Variants in RNF169 observed in about 807,000 individuals in gnomAD.
RNF169 encodes the protein ring finger protein 169, also known as E3 ubiquitin-protein ligase RNF169.
In RNF169, 24 loss-of-function variants were observed where a neutral mutation model predicts 53.9. That is an observed-to-expected ratio of 0.45 (90% CI 0.32 to 0.63). The LOEUF is 0.63. Ranked by LOEUF, RNF169 falls within the 20% of genes least tolerant of loss-of-function variation. The pLI, the probability that RNF169 is intolerant of heterozygous loss-of-function variation, is 0.04. For synonymous variants in RNF169, 396 were observed against 363.5 expected (o/e 1.09, Z -1.02); for missense variants, 883 against 906.2 (o/e 0.97, Z 0.33).
intron 2 of RNF169, among the ~76,000 whole-genome samples, chr11:74,795,377 G>A (rs1275243046): frequency 4.6e-5 from 7 of 151,410 alleles, no homozygotes; most frequent in African/African-American, 1.7e-4. Context: ...ATGCCACCAT[G>A]CCCAGTGTGT....
chr11:74,769,554 C>CT (rs2135323663), intron 1 of RNF169, among the ~76,000 whole-genome samples: 2 of 152,036 alleles, frequency 1.3e-5, no homozygotes, highest in African/African-American at 4.8e-5. Context: ...CACTGTAGTA[C>CT]TAGAAAATGT....
Position 74,835,721 on chromosome 11 carries a change from A to G in RNF169, c.1118A>G (p.Asp373Gly). 6.2e-7 allele frequency: 1 copy of G among 1,614,148 alleles called. No individual in the cohort carries two copies. Among genetic ancestry groups the G allele is most frequent in the South Asian group, 1.1e-5 (1 of 91,080 alleles). Reference protein sequence around the residue: ...PERSVSPESNDSISEELNHFK... With the variant: ...PERSVSPESNGSISEELNHFK... ...CGTTCTGTCAGCCCTGAGAGCAATG[A>G]CAGCATCTCCGAAGAACTAAACCAT... is the stretch of plus-strand genomic sequence containing the variant. The change falls in exon 6 of 6, where the codon GAC (aspartate) becomes GGC (glycine). Residue 373 changes from aspartate (D) to glycine (G), a missense_variant. This residue lies in a region of RNF169 where 219 missense variants were observed against 289.1 expected (regional missense o/e 0.76). Transcript: ENST00000299563.
At position 74,748,956 on chromosome 11, in the gene RNF169, G is replaced by A; in HGVS notation, c.76G>A (p.Gly26Ser). 1 of 1,470,428 alleles carries A rather than the reference G, an allele frequency of 6.8e-7. No individual in the cohort carries two copies. The highest frequency in any genetic ancestry group is 9.1e-7 in the Non-Finnish European group (1 of 1,099,634). The allele number at this position is 1,470,428 out of a possible 1,614,324, so 91.1% of individuals were successfully genotyped here. A position where few individuals can be genotyped will look rare whatever the true frequency, so the allele number is the denominator to read the frequency against. The change falls in exon 1 of 6, where the codon GGC becomes AGC. Residue 26 changes from glycine to serine, a missense_variant. Physicochemically the swap from Gly to Ser is moderately conservative, Grantham distance 56. Transcript: ENST00000299563. ...AAALSRRGRR[G>S]RCDETAAAKT... Reference sequence around the variant, plus strand: ...CGCTCTGAGTCGGCGGGGCCGGCGGGGCCGCTGTGACGAGACGGCGGCAGC... The same window carrying A: ...CGCTCTGAGTCGGCGGGGCCGGCGGAGCCGCTGTGACGAGACGGCGGCAGC...
chr11:74,798,121 G>T (rs1424947394), intron 2 of RNF169, among the ~76,000 whole-genome samples: 1 of 152,142 alleles, frequency 6.6e-6, no homozygotes, highest in African/African-American at 2.4e-5. Context: ...GAGCATGTGT[G>T]TTTAAACAAT....
intron 4 of RNF169, among the ~76,000 whole-genome samples, chr11:74,834,367 A>T (rs1479033233): frequency 6.6e-6 from 1 of 152,240 alleles, no homozygotes; most frequent in East Asian, 1.9e-4. Flanking sequence ...TATCCACCCT[A>T]TTAAGGATAG....
At chr11:74,790,283 C>T (rs1221347878) in intron 2 of RNF169, among the ~76,000 whole-genome samples, 1 of 152,214 alleles carries the variant, frequency 6.6e-6, no homozygotes, top group East Asian at 1.9e-4. Flanking sequence ...AAGTATGTTG[C>T]TAGATAGTGT....
At chr11:74,757,154 C>T (rs1410257539) in intron 1 of RNF169, among the ~76,000 whole-genome samples, 3 of 107,504 alleles carry the variant, frequency 2.8e-5, no homozygotes, top group Admixed American at 9.6e-5. Context: ...CCCCTCCCCC[C>T]ACCCCACCAC....
intron 3 of RNF169, among the ~76,000 whole-genome samples, chr11:74,816,661 G>A (rs964931781): frequency 1.3e-5 from 2 of 152,210 alleles, no homozygotes; most frequent in African/African-American, 4.8e-5. Context: ...AGAGAGCAGA[G>A]ACGGAATTTT....
intron 4 of RNF169, among the ~76,000 whole-genome samples, chr11:74,820,528 A>G (rs920958776): frequency 6.6e-6 from 1 of 152,124 alleles, no homozygotes. Context: ...GGAATAGTCA[A>G]ACAGTGGCTT....
At position 74,837,141 on chromosome 11, in the gene RNF169, A is replaced by T. The variant is rs1160045764; in HGVS notation, c.*411A>T. 1 of 158,426 alleles carries T rather than the reference A, an allele frequency of 6.3e-6. No individual in the cohort carries two copies. The highest frequency in any genetic ancestry group is 2.4e-5 in the African/African-American group (1 of 41,580). The allele number at this position is 158,426 out of a possible 1,614,324, so 9.8% of individuals were successfully genotyped here. A position where few individuals can be genotyped will look rare whatever the true frequency, so the allele number is the denominator to read the frequency against. Reference sequence around the variant, plus strand: ...AATTCCATCTTTTTCAGACAAGTGAACAATTTAGTTCCTTGGCAGATCCAA... The same window carrying T: ...AATTCCATCTTTTTCAGACAAGTGATCAATTTAGTTCCTTGGCAGATCCAA... On this transcript the variant is annotated 3_prime_UTR_variant, in exon 6 of 6. Coordinates refer to ENST00000299563, the MANE Select transcript of RNF169 (RefSeq NM_001098638.2).
intron 1 of RNF169, among the ~76,000 whole-genome samples, chr11:74,776,866 G>A (rs1396636301): frequency 1.3e-5 from 2 of 152,332 alleles, no homozygotes; most frequent in East Asian, 3.9e-4. Context: ...ATAGGGAGAT[G>A]TGTAAGGGCT....
Position 74,748,855 on chromosome 11 carries a change from G to C in RNF169, c.-26G>C. The C allele has an allele frequency of 1.5e-6, 2 of 1,377,868 alleles. No homozygotes were observed. The highest frequency in any genetic ancestry group is 1.8e-5 in the South Asian group (1 of 56,408). The allele number at this position is 1,377,868 out of a possible 1,614,324, so 85.4% of individuals were successfully genotyped here. A position where few individuals can be genotyped will look rare whatever the true frequency, so the allele number is the denominator to read the frequency against. On this transcript the variant is annotated 5_prime_UTR_variant, in exon 1 of 6. Transcript: ENST00000299563. ...CCCTCCACTCTTCTCCCTCGCAACC[G>C]ACTCTCCCTTCAAACGGGAAACAAG...
Position 74,834,698 on chromosome 11 carries a change from A to G in RNF169, c.865A>G (p.Arg289Gly). 6.2e-7 allele frequency: 1 copy of G among 1,612,778 alleles called. No homozygotes were observed. Residue 289 changes from arginine (R) to glycine (G), a missense_variant, in exon 5 of 6, where the codon AGG (arginine) becomes GGG (glycine). Arg to Gly is a moderately radical substitution (Grantham distance 125, BLOSUM62 -2). This residue lies in a region of RNF169 where 219 missense variants were observed against 289.1 expected (regional missense o/e 0.76). Transcript: ENST00000299563. ...TAGGAAGCTAAACTCCAAGGTGGAA[A>G]GGAGTCAGAGCTGTAGTGACACAGC... ...LAGKLNSKVE[R>G]SQSCSDTAQE...
chr11:74,772,842 T>A (rs970794219), intron 1 of RNF169, among the ~76,000 whole-genome samples: 1 of 152,218 alleles, frequency 6.6e-6, no homozygotes, highest in Admixed American at 6.5e-5. Context: ...TTTACATGTG[T>A]TTGATCATGA....
In RNF169 at chr11:74,801,907, A is replaced by G. The variant is rs188183632; in HGVS notation, c.577-8277A>G. ...AACCCCCCTTAGAATGTAGGGTCCC[A>G]GTTTGAGAACCGTTGGCCCAGAGAT... On this transcript the variant is annotated intron_variant, in intron 2 of 5. Transcript: ENST00000299563. 4.7e-3 allele frequency among the ~76,000 whole-genome samples: 723 copies of G among 152,342 alleles called. 11 individuals are homozygous for G. Among genetic ancestry groups the G allele is most frequent in the African/African-American group, 0.017 (690 of 41,590 alleles).
chr11:74,807,916 A>G (rs1468085280), intron 2 of RNF169: 9 of 152,246 alleles, frequency 5.9e-5, no homozygotes, highest in Admixed American at 5.9e-4. Flanking sequence ...AGAAAACACC[A>G]ACATGATTCA....
chr11:74,776,313 A>G (rs953249485), intron 1 of RNF169, among the ~76,000 whole-genome samples: 3 of 152,100 alleles, frequency 2.0e-5, no homozygotes, highest in Admixed American at 6.5e-5. Flanking sequence ...GTTTAGTTCT[A>G]TAAAACTATT....
At chr11:74,799,854 C>G (rs1397702807) in intron 2 of RNF169, among the ~76,000 whole-genome samples, 1 of 151,482 alleles carries the variant, frequency 6.6e-6, no homozygotes, top group African/African-American at 2.4e-5. Flanking sequence ...GCCAGTAATC[C>G]TGCCACTTAA....
At chr11:74,810,475 C>G (rs182763611) in intron 3 of RNF169, 145 bp downstream of exon 3, 2 of 767,320 alleles carry the variant, frequency 2.6e-6, no homozygotes, top group East Asian at 2.5e-5. Flanking sequence ...GAAGAACTTA[C>G]GTCCAGGCCA....
Sources: gnomAD v4.1 joint callset for allele counts (sites outside exome capture counted in the v4.1 genomes callset) on GRCh38, gnomAD v4.1.1 for gene constraint, gnomAD v4.1.1 regional missense constraint, MANE v1.5 for transcripts, NCBI Gene and HGNC (gene_info 2026-07-23, HGNC 2026-07-21) for gene names.